ASTN2: variants seen among roughly 807,000 people sequenced by gnomAD.
ASTN2 encodes astrotactin 2.
In ASTN2, 54 loss-of-function variants were observed where a neutral mutation model predicts 139.8. That is an observed-to-expected ratio of 0.39 (90% CI 0.31 to 0.48). The LOEUF (loss-of-function observed/expected upper bound fraction) is 0.48, where lower values mean the gene tolerates loss of function less well. Ranked by LOEUF, ASTN2 falls within the 20% of genes least tolerant of loss-of-function variation. ASTN2 has a pLI of 0.95. For missense variants in ASTN2, 1,565 were observed against 1,725.1 expected (o/e 0.91, Z 1.64); for synonymous variants, 756 against 719.5 (o/e 1.05, Z -0.81).
intron 3 of ASTN2, among the ~76,000 whole-genome samples, chr9:117,186,166 T>C (rs1158071005): frequency 1.3e-5 from 2 of 152,222 alleles, no homozygotes; most frequent in African/African-American, 4.8e-5. Context: ...ATCAATTTTT[T>C]GAAAATTTTA....
chr9:117,184,705 G>A (rs1029022179), intron 3 of ASTN2, among the ~76,000 whole-genome samples: 1 of 152,108 alleles, frequency 6.6e-6, no homozygotes, highest in East Asian at 1.9e-4. Context: ...ATGCCTGCAA[G>A]TCATATGGCA....
At chr9:117,246,697 T>G (rs1833392428) in intron 2 of ASTN2, among the ~76,000 whole-genome samples, 2 of 152,296 alleles carry the variant, frequency 1.3e-5, no homozygotes, top group South Asian at 4.1e-4. Flanking sequence ...TTTCTTCACT[T>G]AATTCACTAA....
intron 10 of ASTN2, among the ~76,000 whole-genome samples, chr9:116,882,551 G>A (rs371524513): frequency 2.0e-5 from 3 of 152,148 alleles, no homozygotes; most frequent in Admixed American, 6.6e-5. Context: ...TCATGAGTAC[G>A]GAGGCAGAAA....
intron 16 of ASTN2, among the ~76,000 whole-genome samples, chr9:116,721,986 T>C (rs1828485059): frequency 6.6e-6 from 1 of 152,190 alleles, no homozygotes; most frequent in Non-Finnish European, 1.5e-5. Flanking sequence ...ATGATCCCAA[T>C]AACTTACACA....
At chr9:116,825,744 C>T (rs1362484048) in intron 11 of ASTN2, among the ~76,000 whole-genome samples, 2 of 152,214 alleles carry the variant, frequency 1.3e-5, no homozygotes, top group Non-Finnish European at 2.9e-5. Context: ...GAGAGAAACT[C>T]TCAACCTACT....
At chr9:116,645,477 C>G (rs1358030793) in intron 17 of ASTN2, among the ~76,000 whole-genome samples, 3 of 152,026 alleles carry the variant, frequency 2.0e-5, no homozygotes, top group African/African-American at 7.2e-5. Flanking sequence ...CTAAGGAGAC[C>G]CCAACTACCC....
At chr9:116,563,199 C>T (rs1853007793) in intron 19 of ASTN2, among the ~76,000 whole-genome samples, 1 of 151,784 alleles carries the variant, frequency 6.6e-6, no homozygotes, top group African/African-American at 2.4e-5. Context: ...CACGGTGAAA[C>T]CCCGTCTCTA....
In ASTN2 at chr9:117,062,519, A is replaced by AT. The variant is rs200683839; in HGVS notation, c.1277-22555dup. ...GGGTTTAGAAATCTGATTTTTAAAC[A>AT]TTTTTTTTCCTGGAAATGTTAACTA... On this transcript the variant is annotated intron_variant, in intron 5 of 22. Transcript: ENST00000313400. Among the ~76,000 whole-genome samples the AT allele has an allele frequency of 2.2e-3, 341 of 152,188 alleles. 4 individuals are homozygous for AT. Among genetic ancestry groups the AT allele is most frequent in the African/African-American group, 7.3e-3 (305 of 41,518 alleles).
At chr9:116,926,085 C>G (rs933612056) in intron 10 of ASTN2, among the ~76,000 whole-genome samples, 4 of 152,124 alleles carry the variant, frequency 2.6e-5, no homozygotes, top group Non-Finnish European at 5.9e-5. Context: ...GTCTACTGTG[C>G]ATGCCATCCC....
intron 13 of ASTN2, among the ~76,000 whole-genome samples, chr9:116,798,201 G>C (rs1830751698): frequency 6.6e-6 from 1 of 152,220 alleles, no homozygotes; most frequent in African/African-American, 2.4e-5. Context: ...AGCCCAGGAG[G>C]CATAGGTTGC....
At chr9:117,060,385 AGAAAGAAAGAAAGAAAGAAAGAAAGAAG>A (rs1839221789) in intron 5 of ASTN2, among the ~76,000 whole-genome samples, 1 of 76,868 alleles carries the variant, frequency 1.3e-5, no homozygotes, top group African/African-American at 6.7e-5. Context: ...AAAGAAAGAA[AGAAAGAAAGAAAGAAAGAAAGAAAGAAG>A]GAAAGGAAGG....
chr9:117,358,833 C>T (rs1480045331), intron 1 of ASTN2, among the ~76,000 whole-genome samples: 2 of 152,078 alleles, frequency 1.3e-5, no homozygotes, highest in Non-Finnish European at 2.9e-5. Context: ...TCGTTCCTCT[C>T]CCCATCCCTG....
At chr9:116,967,018 T>C (rs187082421) in intron 10 of ASTN2, among the ~76,000 whole-genome samples, 1 of 152,224 alleles carries the variant, frequency 6.6e-6, no homozygotes, top group Admixed American at 6.5e-5. Context: ...TGACATTGCA[T>C]GAATGACTTA....
intron 16 of ASTN2, among the ~76,000 whole-genome samples, chr9:116,709,804 C>T (rs2132093493): frequency 6.6e-6 from 1 of 152,268 alleles, no homozygotes; most frequent in South Asian, 2.1e-4. Flanking sequence ...TCTCAAAATA[C>T]ATAATATTGG....
chr9:117,216,968 A>G (rs1263472551), intron 2 of ASTN2, among the ~76,000 whole-genome samples: 2 of 152,208 alleles, frequency 1.3e-5, no homozygotes, highest in Admixed American at 1.3e-4. Context: ...CAGAGAAGTA[A>G]GTAACTAGCT....
intron 16 of ASTN2, among the ~76,000 whole-genome samples, chr9:116,694,257 T>C (rs1219007829): frequency 6.6e-6 from 1 of 152,164 alleles, no homozygotes; most frequent in Non-Finnish European, 1.5e-5. Flanking sequence ...CTGCTATTTT[T>C]ACAAGTTGGC....
At chr9:116,619,280 T>C (rs982893388) in intron 18 of ASTN2, among the ~76,000 whole-genome samples, 1 of 152,118 alleles carries the variant, frequency 6.6e-6, no homozygotes, top group South Asian at 2.1e-4. Context: ...CTTAATCACA[T>C]GCTTGCAACG....
intron 6 of ASTN2, among the ~76,000 whole-genome samples, chr9:117,021,118 G>T (rs1016818880): frequency 3.9e-5 from 6 of 152,054 alleles, no homozygotes; most frequent in Non-Finnish European, 4.4e-5. Flanking sequence ...ATGTTGCCCA[G>T]GTTGGTCTTG....
chr9:117,247,869 A>G (rs1192998949), intron 2 of ASTN2, among the ~76,000 whole-genome samples: 3 of 152,208 alleles, frequency 2.0e-5, no homozygotes, highest in Non-Finnish European at 2.9e-5. Context: ...CATGACTCAT[A>G]TATGTGCCTG....
Sources: gnomAD v4.1 joint callset for allele counts (sites outside exome capture counted in the v4.1 genomes callset) on GRCh38, gnomAD v4.1.1 for gene constraint, MANE v1.5 for transcripts, NCBI Gene and HGNC (gene_info 2026-07-23, HGNC 2026-07-21) for gene names.